Variants in SELENBP1 observed in about 807,000 individuals in gnomAD.
SELENBP1 encodes selenium binding protein 1.
In SELENBP1, 71 loss-of-function variants were observed where a neutral mutation model predicts 61.0. That is an observed-to-expected ratio of 1.16 (90% confidence interval 0.96 to 1.42). The LOEUF (loss-of-function observed/expected upper bound fraction) is 1.42. SELENBP1 is among the 40% of genes most tolerant of loss of function. SELENBP1 has a pLI of 0.00. For synonymous variants in SELENBP1, 270 were observed against 238.9 expected, an observed-to-expected ratio of 1.13 and a Z score of -1.20; for missense variants, 561 against 605.0, an observed-to-expected ratio of 0.93 and a Z score of 0.76.
In SELENBP1 at chr1:151,365,557, C is replaced by T. The variant is rs779841616; in HGVS notation, c.1044+6G>A. The T allele has an allele frequency of 1.2e-6, 2 of 1,614,106 alleles. No homozygotes were observed. Among genetic ancestry groups the T allele is most frequent in the Non-Finnish European group, 1.7e-6 (2 of 1,180,014 alleles). The stretch of plus-strand genomic sequence containing the variant: ...TCCCTTCTGCTCCTCCTGCCAGGGT[C>T]TCCACCTGTCCTGTGAGGCGGGGTC... On this transcript the variant is annotated splice_donor_region_variant and intron_variant, in intron 9 of 11. Transcript: ENST00000368868.
Position 151,369,235 on chromosome 1 carries a change from C to A in SELENBP1, c.175-46G>T, listed in dbSNP as rs773869391. 3.2e-6 allele frequency: 5 copies of A among 1,566,252 alleles called. No homozygotes were observed. In the Admixed American group the frequency reaches 5.3e-5, roughly 17 times the overall value. On this transcript the variant is annotated intron_variant, in intron 3 of 11. Coordinates refer to ENST00000368868, the MANE Select transcript of SELENBP1 (RefSeq NM_003944.4). ...GTGCTCCCCCAGGCCACGCCTCTGT[C>A]CACTTTTGGAAGAGGCGCCCTGTGG...
rs746371528 is a variant in SELENBP1 at position 151,365,027 on chromosome 1, T to C, written c.1155A>G (p.Gly385=). 1.9e-6 allele frequency: 3 copies of C among 1,609,114 alleles called. No individual in the cohort carries two copies. Among genetic ancestry groups the C allele is most frequent in the Non-Finnish European group, 2.5e-6 (3 of 1,178,036 alleles). ...GGCTGAGCTGGATCATCTGAGGGCC[T>C]CCAGCCACCCGTTTTCCCTTGGGAA... ...PLVVKGKRVA[G]GPQMIQLSLD... Residue 385 remains glycine (G), a synonymous_variant, in exon 11 of 12, where the codon GGA becomes GGG. Coordinates refer to ENST00000368868, the MANE Select transcript of SELENBP1 (RefSeq NM_003944.4).
rs982328674 is a variant in SELENBP1, at chr1:151,366,257, C to T, written c.843+18G>A. 3 of 1,605,454 alleles carry T rather than the reference C, an allele frequency of 1.9e-6. No individual in the cohort carries two copies. In the African/African-American group the frequency reaches 4.0e-5, roughly 21 times the overall value. ...TGACAAGACTACTGGGAGGGGAGGG[C>T]CAGAGGGCGTATGTCACCTCGTTCT... On this transcript the variant is annotated intron_variant, in intron 7 of 11. Coordinates refer to ENST00000368868, the MANE Select transcript of SELENBP1 (RefSeq NM_003944.4).
At chr1:151,365,124 G>A (rs1651731930) in intron 10 of SELENBP1, 65 bp downstream of exon 10, 1 of 1,581,624 alleles carries the variant, frequency 6.3e-7, no homozygotes, top group Non-Finnish European at 8.7e-7. Context: ...ATGCTCAGCT[G>A]CTCCCCCACA....
At chr1:151,368,436 G>A (rs1335652950) in intron 4 of SELENBP1, 117 bp from the exon 5 acceptor site, 1 of 1,363,466 alleles carries the variant, frequency 7.3e-7, no homozygotes, top group Non-Finnish European at 1.0e-6. Flanking sequence ...TCAAAACATG[G>A]ACACAACTCT....
Position 151,369,175 on chromosome 1 carries a change from C to A in SELENBP1, c.189G>T (p.Leu63=). Residue 63 remains leucine (L), a synonymous_variant, in exon 4 of 12, where the codon CTG becomes CTT. Coordinates refer to ENST00000368868, the MANE Select transcript of SELENBP1 (RefSeq NM_003944.4). ...GCTCGTCCTTCAGGTTGGGCATGGGCAGCCGGTGGATGACCTAGGATGCGG... is the reference window on the plus strand; with the variant it reads ...GCTCGTCCTTCAGGTTGGGCATGGGAAGCCGGTGGATGACCTAGGATGCGG... ...SPQYCQVIHR[L]PMPNLKDELH... 1 of 1,611,296 alleles carries A rather than the reference C, an allele frequency of 6.2e-7. No individual in the cohort carries two copies. Among genetic ancestry groups the A allele is most frequent in the Non-Finnish European group, 8.5e-7 (1 of 1,177,892 alleles).
chr1:151,372,242 C>T (rs573227279), intron 1 of SELENBP1, among the ~76,000 whole-genome samples: 2 of 152,274 alleles, frequency 1.3e-5, no homozygotes, highest in East Asian at 3.9e-4. Context: ...CTCCCTACCT[C>T]GCTGGAGTAC....
In SELENBP1 at chr1:151,369,560, C is replaced by T. The variant is rs199870911; in HGVS notation, c.62-6G>A. 2,565 of 1,599,462 alleles carry T rather than the reference C, an allele frequency of 1.6e-3. 6 individuals are homozygous for T. The highest frequency in any genetic ancestry group is 1.9e-3 in the Non-Finnish European group (2,239 of 1,173,192). On this transcript the variant is annotated splice_polypyrimidine_tract_variant and splice_region_variant and intron_variant, in intron 2 of 11. Transcript: ENST00000368868. ...GACGATCTCTTCCCTGGGTCCTGCACGGTAGAAAGCAGGCAGCAGGGACGG... is the reference window on the plus strand; with the variant it reads ...GACGATCTCTTCCCTGGGTCCTGCATGGTAGAAAGCAGGCAGCAGGGACGG...
chr1:151,372,167 C>A (rs1446633490), intron 1 of SELENBP1, among the ~76,000 whole-genome samples: 1 of 151,796 alleles, frequency 6.6e-6, no homozygotes, highest in Non-Finnish European at 1.5e-5. Flanking sequence ...TCTCTGATTT[C>A]CCTCCCAGAG....
At chr1:151,365,922 C>G in intron 7 of SELENBP1, 76 bp from the exon 8 acceptor site, 3 of 1,516,672 alleles carry the variant, frequency 2.0e-6, no homozygotes, top group Non-Finnish European at 2.7e-6. Context: ...GGGGTTAGAT[C>G]TGGGTTGCCC....
intron 7 of SELENBP1, 25 bp downstream of exon 7, chr1:151,366,250 G>A (rs749807269): frequency 3.1e-6 from 5 of 1,602,762 alleles, no homozygotes; most frequent in Non-Finnish European, 8.5e-7. Context: ...CTACTGGGAG[G>A]GGAGGGCCAG....
chr1:151,372,508 A>T (rs1571289519), intron 1 of SELENBP1, 130 bp downstream of exon 1: 2 of 1,152,354 alleles, frequency 1.7e-6, no homozygotes, highest in East Asian at 2.4e-5. Flanking sequence ...CAGACTGGGG[A>T]CAATGAAGCA....
intron 8 of SELENBP1, 32 bp downstream of exon 8, chr1:151,365,736 A>G (rs1651782306): frequency 1.2e-6 from 2 of 1,614,114 alleles, no homozygotes; most frequent in East Asian, 4.5e-5. Flanking sequence ...TCCCAGGCCA[A>G]GAATCAACTT....
At position 151,369,171 on chromosome 1, in the gene SELENBP1, T is replaced by C; in HGVS notation, c.193A>G (p.Met65Val). The C allele has an allele frequency of 6.2e-7, 1 of 1,611,710 alleles. No homozygotes were observed. The highest frequency in any genetic ancestry group is 8.5e-7 in the Non-Finnish European group (1 of 1,178,216). The stretch of plus-strand genomic sequence containing the variant: ...TGCAGCTCGTCCTTCAGGTTGGGCA[T>C]GGGCAGCCGGTGGATGACCTAGGAT... ...QYCQVIHRLPMPNLKDELHHS... is the reference protein window; with the variant it reads ...QYCQVIHRLPVPNLKDELHHS... The change falls in exon 4 of 12, where the codon ATG becomes GTG. Residue 65 changes from methionine (M) to valine (V), a missense_variant. Coordinates refer to ENST00000368868, the MANE Select transcript of SELENBP1 (RefSeq NM_003944.4).
At position 151,369,468 on chromosome 1, in the gene SELENBP1, C is replaced by T. The variant is rs1343348144; in HGVS notation, c.148G>A (p.Asp50Asn). 1.9e-6 allele frequency: 3 copies of T among 1,612,602 alleles called. No individual in the cohort carries two copies. Among genetic ancestry groups the T allele is most frequent in the Non-Finnish European group, 8.5e-7 (1 of 1,179,538 alleles). The change falls in exon 3 of 12, where the codon GAC (aspartate) becomes AAC (asparagine). Residue 50 changes from aspartate (D) to asparagine (N), a missense_variant. Transcript: ENST00000368868. ...TGGCAATACTGGGGAGACTTGGGGT[C>T]AACATCCACAGTGGCCAGATAATCT... ...APDYLATVDV[D>N]PKSPQYCQVI... is the part of the protein sequence containing the mutation.
intron 9 of SELENBP1, 136 bp from the exon 10 acceptor site, chr1:151,365,417 C>T: frequency 6.7e-7 from 1 of 1,492,962 alleles, no homozygotes; most frequent in South Asian, 1.2e-5. Context: ...CTGGACAGTC[C>T]TGGGCCTGTG....
Position 151,366,794 on chromosome 1 carries a change from CA to C in SELENBP1, c.591del (p.Asn197LysfsTer3). The C allele has an allele frequency of 6.2e-7, 1 of 1,614,154 alleles. No homozygotes were observed. The highest frequency in any genetic ancestry group is 8.5e-7 in the Non-Finnish European group (1 of 1,180,032). On this transcript the variant is annotated frameshift_variant, in exon 6 of 12. Transcript: ENST00000368868. LOFTEE classifies it high-confidence loss of function. ...GCTGCCCACTCAGTGCTGATCATGA[CA>C]TTGTGTCGAGGCTGGTACCAGAAGT... is the stretch of plus-strand genomic sequence containing the variant. ...GYDFWYQPRHNVMISTEWAAP... is the reference protein window; with the variant it reads ...GYDFWYQPRHXVMISTEWAAP...
At position 151,369,001 on chromosome 1, in the gene SELENBP1, T is replaced by C. The variant is rs1274553898; in HGVS notation, c.360+3A>G. On this transcript the variant is annotated splice_donor_region_variant and intron_variant, in intron 4 of 11. Transcript: ENST00000368868. Reference sequence around the variant, plus strand: ...ACTGAGCTGGCAAGGGCAGAGGACATGCCTTGTGCAGCTTTGGGGCCCGGG... The same window carrying C: ...ACTGAGCTGGCAAGGGCAGAGGACACGCCTTGTGCAGCTTTGGGGCCCGGG... The C allele has an allele frequency of 4.4e-6, 7 of 1,606,702 alleles. No individual in the cohort carries two copies. Among genetic ancestry groups the C allele is most frequent in the Non-Finnish European group, 6.0e-6 (7 of 1,174,268 alleles).
In SELENBP1 at chr1:151,365,631, T is replaced by A. The variant is rs754705939; in HGVS notation, c.976A>T (p.Asn326Tyr). The change falls in exon 9 of 12, where the codon AAC becomes TAC. Residue 326 changes from asparagine to tyrosine, a missense_variant. Asn to Tyr is a moderately radical substitution (Grantham distance 143, BLOSUM62 -2). Coordinates refer to ENST00000368868, the MANE Select transcript of SELENBP1 (RefSeq NM_003944.4). ...SLDDRFLYFS[N>Y]WLHGDLRQYD... The stretch of plus-strand genomic sequence containing the variant: ...TGCCTCAGGTCCCCATGCAGCCAGT[T>A]GCTGAAGTAGAGGAAGCGGTCGTCC... 1.2e-6 allele frequency: 2 copies of A among 1,614,060 alleles called. No homozygotes were observed. The highest frequency in any genetic ancestry group is 2.7e-5 in the African/African-American group (2 of 74,904).
Sources: allele counts gnomAD v4.1 joint callset (sites outside exome capture counted in the v4.1 genomes callset), GRCh38; gene constraint gnomAD v4.1.1; transcripts MANE v1.5; gene names NCBI Gene and HGNC (gene_info 2026-07-23, HGNC 2026-07-21).